Variants in SPATS2L observed in about 807,000 individuals in gnomAD.
SPATS2L encodes the protein SPATS2-like protein.
SPATS2L carries 30 observed loss-of-function variants against 59.6 expected under a neutral mutation model. That is an observed-to-expected ratio of 0.50 (90% CI 0.38 to 0.68). The LOEUF (loss-of-function observed/expected upper bound fraction) is 0.68. Among genes scored for constraint, SPATS2L ranks in the 30% least tolerant of loss-of-function variants. SPATS2L has a pLI of 0.00. For missense variants in SPATS2L, 615 were observed against 700.0 expected (o/e 0.88, Z 1.37); for synonymous variants, 252 against 263.5 (o/e 0.96, Z 0.42).
At chr2:200,419,556 G>T in intron 6 of SPATS2L, 60 bp downstream of exon 6, 1 of 1,563,544 alleles carries the variant, frequency 6.4e-7, no homozygotes, top group Non-Finnish European at 8.7e-7. Flanking sequence ...CACAAAGGGA[G>T]CTCATTGGGG....
intron 2 of SPATS2L, among the ~76,000 whole-genome samples, chr2:200,352,295 C>A (rs2080759289): frequency 2.3e-5 from 3 of 129,578 alleles, no homozygotes; most frequent in Admixed American, 1.5e-4. Flanking sequence ...GGTTTTGAGG[C>A]TATATAACCA....
At chr2:200,399,652 C>T (rs2082460226) in intron 3 of SPATS2L, among the ~76,000 whole-genome samples, 2 of 152,048 alleles carry the variant, frequency 1.3e-5, no homozygotes, top group African/African-American at 4.8e-5. Context: ...GACTGGTGTT[C>T]AAATCATCAT....
chr2:200,318,200 A>G (rs1574379120), intron 1 of SPATS2L, among the ~76,000 whole-genome samples: 1 of 152,286 alleles, frequency 6.6e-6, no homozygotes, highest in African/African-American at 2.4e-5. Flanking sequence ...TTAAGGGAAA[A>G]GGGGAAGATG....
intron 6 of SPATS2L, among the ~76,000 whole-genome samples, chr2:200,435,564 G>C (rs2084227737): frequency 6.6e-6 from 1 of 152,080 alleles, no homozygotes; most frequent in Non-Finnish European, 1.5e-5. Flanking sequence ...AAGTAACACT[G>C]ATTCATTCAT....
chr2:200,398,742 C>T (rs143691775), intron 3 of SPATS2L, among the ~76,000 whole-genome samples: 518 of 152,290 alleles, frequency 3.4e-3, no homozygotes, highest in African/African-American at 0.012. Flanking sequence ...CCACCTCCTA[C>T]GCACTGGCAC....
At chr2:200,432,346 G>A (rs905912147) in intron 6 of SPATS2L, among the ~76,000 whole-genome samples, 1 of 152,108 alleles carries the variant, frequency 6.6e-6, no homozygotes, top group African/African-American at 2.4e-5. Context: ...CTCAAGAAGA[G>A]GAGTATAAAG....
In SPATS2L at chr2:200,481,441, T is replaced by C. The variant is rs2087772118; in HGVS notation, c.*3410T>C. On this transcript the variant is annotated 3_prime_UTR_variant, in exon 13 of 13. Transcript: ENST00000409140. Reference sequence around the variant, plus strand: ...GGGATCAAGGGCCTGCGCAGTTCTTTTCCTAAATCGATTCGGTGCTCCCCA... The same window carrying C: ...GGGATCAAGGGCCTGCGCAGTTCTTCTCCTAAATCGATTCGGTGCTCCCCA... 6.6e-6 allele frequency: 1 copy of C among 152,198 alleles called. No individual in the cohort carries two copies. Among genetic ancestry groups the C allele is most frequent in the Non-Finnish European group, 1.5e-5 (1 of 68,020 alleles). The allele number at this position is 152,198 out of a possible 1,614,324, so 9.4% of individuals were successfully genotyped here.
At chr2:200,342,634 G>A (rs1187999595) in intron 2 of SPATS2L, among the ~76,000 whole-genome samples, 2 of 152,238 alleles carry the variant, frequency 1.3e-5, no homozygotes, top group Non-Finnish European at 2.9e-5. Flanking sequence ...GTGATTCTTT[G>A]GAGATTTTAT....
chr2:200,433,087 C>A (rs1418484108), intron 6 of SPATS2L, among the ~76,000 whole-genome samples: 1 of 152,112 alleles, frequency 6.6e-6, no homozygotes, highest in African/African-American at 2.4e-5. Flanking sequence ...AGCCTCATAT[C>A]CAAGGGTCAT....
At chr2:200,380,801 C>T (rs897763516) in intron 2 of SPATS2L, among the ~76,000 whole-genome samples, 2 of 152,120 alleles carry the variant, frequency 1.3e-5, no homozygotes, top group African/African-American at 2.4e-5. Context: ...GAAAATGCAA[C>T]CTTGAGTTTT....
At chr2:200,459,500 G>A (rs2086088640) in intron 8 of SPATS2L, among the ~76,000 whole-genome samples, 1 of 152,198 alleles carries the variant, frequency 6.6e-6, no homozygotes, top group South Asian at 2.1e-4. Flanking sequence ...ATTCAAAGCA[G>A]CACAATTCTG....
At chr2:200,376,852 C>T (rs1414559676) in intron 2 of SPATS2L, among the ~76,000 whole-genome samples, 1 of 152,184 alleles carries the variant, frequency 6.6e-6, no homozygotes, top group Non-Finnish European at 1.5e-5. Flanking sequence ...GGAGTCACCC[C>T]ACCTCTCCCA....
chr2:200,357,948 G>T (rs1239047794), intron 2 of SPATS2L, among the ~76,000 whole-genome samples: 1 of 152,214 alleles, frequency 6.6e-6, no homozygotes, highest in Non-Finnish European at 1.5e-5. Context: ...TAGCCTGGGA[G>T]AGACTTGCTT....
At chr2:200,318,476 T>G (rs2079452495) in intron 1 of SPATS2L, among the ~76,000 whole-genome samples, 1 of 152,218 alleles carries the variant, frequency 6.6e-6, no homozygotes, top group African/African-American at 2.4e-5. Flanking sequence ...TGTTATTTAG[T>G]GCTGGTTTGT....
At chr2:200,375,547 T>C (rs2081570245) in intron 2 of SPATS2L, among the ~76,000 whole-genome samples, 2 of 152,168 alleles carry the variant, frequency 1.3e-5, no homozygotes, top group African/African-American at 4.8e-5. Flanking sequence ...TATTGCAAGG[T>C]TGGAGGTATG....
At chr2:200,426,402 G>A (rs1433192460) in intron 6 of SPATS2L, among the ~76,000 whole-genome samples, 1 of 152,110 alleles carries the variant, frequency 6.6e-6, no homozygotes, top group East Asian at 1.9e-4. Context: ...TATAACTGAT[G>A]TTAAGTACTA....
At chr2:200,387,635 C>CA (rs2082032833) in intron 2 of SPATS2L, among the ~76,000 whole-genome samples, 1 of 152,162 alleles carries the variant, frequency 6.6e-6, no homozygotes, top group Non-Finnish European at 1.5e-5. Context: ...GGGGAAGAAT[C>CA]AGAGAATTTT....
intron 2 of SPATS2L, among the ~76,000 whole-genome samples, chr2:200,364,291 AGT>A (rs1279740178): frequency 6.6e-6 from 1 of 152,204 alleles, no homozygotes. Context: ...TAGGAAACAC[AGT>A]GTTTCCTCTC....
intron 6 of SPATS2L, among the ~76,000 whole-genome samples, chr2:200,433,135 T>C (rs1025330087): frequency 7.9e-5 from 12 of 152,188 alleles, no homozygotes; most frequent in African/African-American, 2.9e-4. Flanking sequence ...CAAAAAGATA[T>C]AACACCTCTA....
Sources: gnomAD v4.1 joint callset for allele counts (sites outside exome capture counted in the v4.1 genomes callset) on GRCh38, gnomAD v4.1.1 for gene constraint, MANE v1.5 for transcripts, NCBI Gene and HGNC (gene_info 2026-07-23, HGNC 2026-07-21) for gene names.